KHDRBS3: variants seen among roughly 807,000 people sequenced by gnomAD.
The protein encoded by KHDRBS3 is KH domain-containing, RNA-binding, signal transduction-associated protein 3.
KHDRBS3 carries 23 observed loss-of-function variants against 45.6 expected under a neutral mutation model. That is an observed-to-expected ratio of 0.50 (90% CI 0.36 to 0.72). The LOEUF is 0.72. Among genes scored for constraint, KHDRBS3 ranks in the 30% least tolerant of loss-of-function variants. KHDRBS3 has a pLI of 0.00. For synonymous variants in KHDRBS3, 162 were observed against 156.5 expected, an observed-to-expected ratio of 1.04 and a Z score of -0.26; for missense variants, 352 against 424.8, an observed-to-expected ratio of 0.83 and a Z score of 1.51.
At chr8:135,538,980 GA>G (rs1825915498) in intron 2 of KHDRBS3, 1 of 152,154 alleles carries the variant, frequency 6.6e-6, no homozygotes, top group African/African-American at 2.4e-5. Context: ...GTGTCCTATA[GA>G]ATGCATGGAG....
chr8:135,513,845 T>C (rs1370963686), intron 1 of KHDRBS3, among the ~76,000 whole-genome samples: 1 of 152,158 alleles, frequency 6.6e-6, no homozygotes, highest in Non-Finnish European at 1.5e-5. Flanking sequence ...AGAGCTATAG[T>C]CATGTCTCCT....
At chr8:135,630,482 A>ATGT (rs139262033) in intron 7 of KHDRBS3, among the ~76,000 whole-genome samples, 159 of 151,002 alleles carry the variant, frequency 1.1e-3, no homozygotes, top group African/African-American at 3.2e-3. Context: ...TATAAAGTTT[A>ATGT]ATGTATGTAT....
At chr8:135,595,160 T>C (rs146828205) in intron 6 of KHDRBS3, among the ~76,000 whole-genome samples, 43 of 152,156 alleles carry the variant, frequency 2.8e-4, no homozygotes, top group African/African-American at 9.2e-4. Context: ...CAAAACTCAT[T>C]GATGGTGCTG....
At chr8:135,540,778 T>C (rs559540231) in intron 2 of KHDRBS3, 2 of 152,334 alleles carry the variant, frequency 1.3e-5, no homozygotes, top group South Asian at 2.1e-4. Flanking sequence ...ATAACTCAGC[T>C]GCCATATTTG....
At chr8:135,642,461 C>G (rs994461332) in intron 7 of KHDRBS3, among the ~76,000 whole-genome samples, 2 of 152,160 alleles carry the variant, frequency 1.3e-5, no homozygotes, top group African/African-American at 4.8e-5. Context: ...ACTCGTTTTT[C>G]TTCTAAATTT....
chr8:135,545,848 T>G (rs1365760781), intron 3 of KHDRBS3, among the ~76,000 whole-genome samples: 1 of 152,186 alleles, frequency 6.6e-6, no homozygotes, highest in Admixed American at 6.5e-5. Flanking sequence ...GCAACTTAAA[T>G]GGATACTGGC....
At chr8:135,573,074 C>A (rs1321303885) in intron 5 of KHDRBS3, among the ~76,000 whole-genome samples, 2 of 152,034 alleles carry the variant, frequency 1.3e-5, no homozygotes, top group African/African-American at 4.8e-5. Context: ...TCACTGTGAC[C>A]CCTGATAGAA....
intron 5 of KHDRBS3, among the ~76,000 whole-genome samples, chr8:135,561,818 T>C (rs1419357472): frequency 6.6e-6 from 1 of 152,126 alleles, no homozygotes; most frequent in Non-Finnish European, 1.5e-5. Context: ...TATAGGCTAA[T>C]GTGCGTTTGT....
intron 3 of KHDRBS3, among the ~76,000 whole-genome samples, chr8:135,545,995 G>A (rs1291426686): frequency 2.0e-5 from 3 of 151,866 alleles, no homozygotes; most frequent in Non-Finnish European, 2.9e-5. Context: ...AAAATTAGCC[G>A]GGCATGGTGG....
intron 2 of KHDRBS3, among the ~76,000 whole-genome samples, chr8:135,532,725 G>A (rs1028377317): frequency 2.6e-5 from 4 of 151,954 alleles, no homozygotes; most frequent in Admixed American, 2.0e-4. Flanking sequence ...ACTAAGTATC[G>A]GGCACTTGAA....
At chr8:135,534,901 G>A (rs1356585511) in intron 2 of KHDRBS3, among the ~76,000 whole-genome samples, 1 of 152,164 alleles carries the variant, frequency 6.6e-6, no homozygotes, top group Non-Finnish European at 1.5e-5. Flanking sequence ...GCCATGGTAA[G>A]TGGAAGCTTA....
intron 7 of KHDRBS3, among the ~76,000 whole-genome samples, chr8:135,611,758 G>A (rs1829715961): frequency 2.0e-5 from 3 of 151,882 alleles, no homozygotes; most frequent in Admixed American, 2.0e-4. Flanking sequence ...GTCACAGTCT[G>A]AGGTACTGGA....
intron 7 of KHDRBS3, among the ~76,000 whole-genome samples, chr8:135,631,955 A>G (rs1563819659): frequency 6.6e-6 from 1 of 152,236 alleles, no homozygotes; most frequent in Non-Finnish European, 1.5e-5. Flanking sequence ...TACCACGGCT[A>G]CAGCGATAGA....
chr8:135,557,622 T>C, intron 5 of KHDRBS3, 35 bp downstream of exon 5: 1 of 1,540,828 alleles, frequency 6.5e-7, no homozygotes, highest in South Asian at 1.1e-5. Context: ...TAACATACCG[T>C]GGCAGCAGTT....
chr8:135,500,901 C>T (rs544933735), intron 1 of KHDRBS3, among the ~76,000 whole-genome samples: 1 of 152,120 alleles, frequency 6.6e-6, no homozygotes, highest in East Asian at 1.9e-4. Flanking sequence ...TTAAGTATAT[C>T]GTGCTTGAAT....
At chr8:135,467,249 T>A (rs2130152555) in intron 1 of KHDRBS3, among the ~76,000 whole-genome samples, 1 of 152,382 alleles carries the variant, frequency 6.6e-6, no homozygotes, top group South Asian at 2.1e-4. Flanking sequence ...ACACATATAT[T>A]TCTGTTCCTC....
intron 1 of KHDRBS3, among the ~76,000 whole-genome samples, chr8:135,489,579 G>A (rs1184353629): frequency 1.6e-4 from 24 of 152,096 alleles, no homozygotes. Flanking sequence ...TCAGGAGGCT[G>A]AGGCAGGAGA....
chr8:135,585,228 CA>C (rs35301059), intron 6 of KHDRBS3, among the ~76,000 whole-genome samples: 492 of 96,132 alleles, frequency 5.1e-3, no homozygotes, highest in Middle Eastern at 0.02. Context: ...GACTCCGTCT[CA>C]AAAAAAAAAA....
chr8:135,536,234 GTTTTTTTTTTTTTTTT>G (rs374782370), intron 2 of KHDRBS3, among the ~76,000 whole-genome samples: 7 of 86,412 alleles, frequency 8.1e-5, no homozygotes, highest in African/African-American at 2.5e-4. Flanking sequence ...TTTCTGTCCA[GTTTTTTTTTTTTTTTT>G]TTTTTTTTTT....
Sources: gnomAD v4.1 joint callset for allele counts (sites outside exome capture counted in the v4.1 genomes callset) on GRCh38, gnomAD v4.1.1 for gene constraint, MANE v1.5 for transcripts, NCBI Gene and HGNC (gene_info 2026-07-23, HGNC 2026-07-21) for gene names.